TPO: variants seen among roughly 807,000 people sequenced by gnomAD.
The protein encoded by TPO is thyroid peroxidase.
A neutral mutation model predicts 96.9 loss-of-function variants in TPO; 78 were observed. That is an observed-to-expected ratio of 0.81 (90% confidence interval 0.67 to 0.97). The LOEUF (loss-of-function observed/expected upper bound fraction) is 0.97. Among genes scored for constraint, TPO ranks in the 50% least tolerant of loss-of-function variants. The probability of loss-of-function intolerance (pLI) is 0.00; values close to 1 mark genes in which losing one functional copy is unlikely to be tolerated. For missense variants in TPO, 1,252 were observed against 1,274.8 expected, an observed-to-expected ratio of 0.98 and a Z score of 0.27; for synonymous variants, 547 against 538.0, an observed-to-expected ratio of 1.02 and a Z score of -0.23.
At chr2:1,414,358 G>A in intron 1 of TPO, 50 bp from the exon 2 acceptor site, 1 of 1,560,684 alleles carries the variant, frequency 6.4e-7, no homozygotes, top group Non-Finnish European at 8.8e-7. Flanking sequence ...CGGTTCCCAT[G>A]GCCTTGTCAG....
chr2:1,493,753 C>A, intron 10 of TPO, 49 bp from the exon 11 acceptor site: 2 of 1,609,110 alleles, frequency 1.2e-6, no homozygotes, highest in East Asian at 4.5e-5. Context: ...ATGGGCTGAA[C>A]AAAAGTTCAG....
At chr2:1,524,109 C>CGTGCAACCTCCCCAAATACCCCCAACTCT (rs1558403965) in intron 15 of TPO, among the ~76,000 whole-genome samples, 1 of 62,324 alleles carries the variant, frequency 1.6e-5, no homozygotes, top group African/African-American at 6.2e-5. Context: ...CCCCCCACTC[C>CGTGCAACCTCCCCAAATACCCCCAACTCT]GTGCAACCTC....
chr2:1,388,708 A>C (rs1026228965), intron 1 of TPO, among the ~76,000 whole-genome samples: 1 of 152,150 alleles, frequency 6.6e-6, no homozygotes, highest in African/African-American at 2.4e-5. Context: ...GGTGTGCTGC[A>C]TGCACTGTCC....
chr2:1,485,373 C>T lies in TPO; in HGVS notation c.1597+519C>T, dbSNP rs189021838. 1.1e-3 allele frequency among the ~76,000 whole-genome samples: 164 copies of T among 152,186 alleles called. 1 individual carries two copies. Among genetic ancestry groups the T allele is most frequent in the African/African-American group, 3.8e-3 (159 of 41,514 alleles). Reference sequence around the variant, plus strand: ...TAGTGCTGCAATAAACATACGTGTGCATGTGTCTTTATAGCAGCATGATTT... The same window carrying T: ...TAGTGCTGCAATAAACATACGTGTGTATGTGTCTTTATAGCAGCATGATTT... On this transcript the variant is annotated intron_variant, in intron 9 of 16. Transcript: ENST00000329066.
chr2:1,512,188 C>G (rs1004550978), intron 14 of TPO, among the ~76,000 whole-genome samples: 1 of 152,170 alleles, frequency 6.6e-6, no homozygotes, highest in Admixed American at 6.5e-5. Flanking sequence ...CGCCCGCCAC[C>G]ACGCCCGGCT....
intron 8 of TPO, 48 bp from the exon 9 acceptor site, chr2:1,484,545 CCCT>C (rs1670943086): frequency 6.2e-7 from 1 of 1,612,790 alleles, no homozygotes; most frequent in Non-Finnish European, 8.5e-7. Context: ...CTCGAGGCGA[CCCT>C]CCTCTGGTAT....
At chr2:1,539,974 AGT>A (rs1680538560) in intron 15 of TPO, among the ~76,000 whole-genome samples, 1 of 152,158 alleles carries the variant, frequency 6.6e-6, no homozygotes, top group South Asian at 2.1e-4. Context: ...TTGTACTTAC[AGT>A]TAAATCCCAC....
At chr2:1,389,455 A>G (rs1661962368) in intron 1 of TPO, among the ~76,000 whole-genome samples, 1 of 152,124 alleles carries the variant, frequency 6.6e-6, no homozygotes, top group South Asian at 2.1e-4. Context: ...TTACTCATCC[A>G]TGTGTCTGTG....
chr2:1,485,955 T>G (rs530842820), intron 9 of TPO, among the ~76,000 whole-genome samples: 20 of 152,372 alleles, frequency 1.3e-4, no homozygotes, highest in African/African-American at 4.8e-4. Flanking sequence ...TTTTGGTGTT[T>G]TAGTCATGAA....
intron 1 of TPO, among the ~76,000 whole-genome samples, chr2:1,382,200 G>A (rs544897181): frequency 7.2e-5 from 11 of 152,188 alleles, no homozygotes; most frequent in Non-Finnish European, 1.3e-4. Context: ...GGGCACAGGA[G>A]TGGCACTACC....
intron 14 of TPO, 33 bp downstream of exon 14, chr2:1,504,112 A>G (rs1039958948): frequency 6.2e-6 from 10 of 1,613,146 alleles, no homozygotes; most frequent in South Asian, 1.1e-5. Context: ...CTGTCCGTCC[A>G]TTTGCGAGTT....
chr2:1,542,405 T>C lies in TPO; in HGVS notation c.2749-16T>C. The C allele has an allele frequency of 6.2e-7, 1 of 1,614,146 alleles. No individual in the cohort carries two copies. Among genetic ancestry groups the C allele is most frequent in the Non-Finnish European group, 8.5e-7 (1 of 1,180,012 alleles). ...AGAATTCAGACGTTATTAATGTTTG[T>C]TCTGCATTTTTGCAGGAGAGTGCTG... is the stretch of plus-strand genomic sequence containing the variant. On this transcript the variant is annotated splice_polypyrimidine_tract_variant and intron_variant, in intron 16 of 16. Coordinates refer to ENST00000329066, the MANE Select transcript of TPO (RefSeq NM_001206744.2).
intron 7 of TPO, among the ~76,000 whole-genome samples, chr2:1,466,898 T>C (rs573522530): frequency 7.6e-4 from 115 of 152,250 alleles, no homozygotes; most frequent in African/African-American, 2.7e-3. Flanking sequence ...TCTGCTCTGA[T>C]CTTGGTTATT....
intron 10 of TPO, among the ~76,000 whole-genome samples, chr2:1,490,926 C>T (rs1356689802): frequency 2.0e-5 from 3 of 152,200 alleles, no homozygotes; most frequent in Non-Finnish European, 4.4e-5. Context: ...AATCCCTGCA[C>T]TTTGGGAGGC....
At chr2:1,527,999 A>G (rs1332085909) in intron 15 of TPO, among the ~76,000 whole-genome samples, 1 of 95,276 alleles carries the variant, frequency 1.0e-5, no homozygotes, top group Admixed American at 1.3e-4. Flanking sequence ...AATCCCCCCA[A>G]TGTGAGGAAC....
intron 1 of TPO, among the ~76,000 whole-genome samples, chr2:1,380,527 G>T (rs1661795024): frequency 6.6e-6 from 1 of 151,594 alleles, no homozygotes; most frequent in Non-Finnish European, 1.5e-5. Flanking sequence ...GTTACTAACA[G>T]AATGTCTCTC....
intron 4 of TPO, among the ~76,000 whole-genome samples, chr2:1,434,242 A>G (rs1665328066): frequency 6.6e-6 from 1 of 152,352 alleles, no homozygotes; most frequent in Admixed American, 6.5e-5. Context: ...TATGATGCAG[A>G]GCAAGTAAGC....
intron 5 of TPO, among the ~76,000 whole-genome samples, chr2:1,450,660 T>A (rs557665868): frequency 6.6e-6 from 1 of 152,292 alleles, no homozygotes; most frequent in East Asian, 1.9e-4. Flanking sequence ...AGGTGACACA[T>A]TTGCGGAGGG....
chr2:1,416,418 C>CA (rs1470362518), intron 2 of TPO, among the ~76,000 whole-genome samples: 3 of 152,178 alleles, frequency 2.0e-5, no homozygotes, highest in Non-Finnish European at 4.4e-5. Context: ...GAGAGCTATT[C>CA]AACAAAATAT....
Sources: gnomAD v4.1 joint callset for allele counts (sites outside exome capture counted in the v4.1 genomes callset) on GRCh38, gnomAD v4.1.1 for gene constraint, MANE v1.5 for transcripts, NCBI Gene and HGNC (gene_info 2026-07-23, HGNC 2026-07-21) for gene names.